Variants in NRXN1 observed in about 807,000 individuals in gnomAD.
NRXN1 encodes the protein neurexin 1.
A neutral mutation model predicts 150.9 loss-of-function variants in NRXN1; 39 were observed. That is an observed-to-expected ratio of 0.26 (90% CI 0.20 to 0.34). The LOEUF (loss-of-function observed/expected upper bound fraction) is 0.34. NRXN1 is among the 10% of genes least tolerant of loss of function. The probability of loss-of-function intolerance (pLI) is 1.00; values close to 1 mark genes in which losing one functional copy is unlikely to be tolerated. For missense variants in NRXN1, 1,815 were observed against 1,949.9 expected (o/e 0.93, Z 1.30); for synonymous variants, 924 against 757.0 (o/e 1.22, Z -3.62).
chr2:50,786,775 A>G (rs988840966), intron 5 of NRXN1, among the ~76,000 whole-genome samples: 1 of 152,138 alleles, frequency 6.6e-6, no homozygotes, highest in Non-Finnish European at 1.5e-5. Flanking sequence ...TATTTTAATT[A>G]TACTGATTAA....
At chr2:50,867,805 T>A (rs763831434) in intron 5 of NRXN1, among the ~76,000 whole-genome samples, 1 of 151,704 alleles carries the variant, frequency 6.6e-6, no homozygotes, top group Non-Finnish European at 1.5e-5. Context: ...AAAGAATGGG[T>A]AAAGTTAAAA....
intron 21 of NRXN1, among the ~76,000 whole-genome samples, chr2:49,981,333 T>G (rs1043015391): frequency 6.6e-6 from 1 of 151,512 alleles, no homozygotes; most frequent in African/African-American, 2.4e-5. Flanking sequence ...CAAAAAACCA[T>G]AGTCCATGGA....
intron 8 of NRXN1, among the ~76,000 whole-genome samples, chr2:50,612,218 T>C (rs566725412): frequency 2.7e-5 from 4 of 149,238 alleles, no homozygotes; most frequent in East Asian, 2.0e-4. Context: ...CAAATAGGGA[T>C]AGTATTTATG....
chr2:50,626,211 A>G (rs59739279), intron 5 of NRXN1, among the ~76,000 whole-genome samples: 2,424 of 152,070 alleles, frequency 0.016, 82 homozygotes, highest in African/African-American at 0.056. Flanking sequence ...CAATGTTTCA[A>G]CATATGTAAA....
intron 5 of NRXN1, among the ~76,000 whole-genome samples, chr2:50,786,245 G>A (rs190357319): frequency 9.2e-5 from 14 of 152,166 alleles, no homozygotes; most frequent in East Asian, 1.9e-4. Flanking sequence ...ATCTATGTAC[G>A]ACAGGAAGTG....
At chr2:50,633,610 C>T (rs1280306667) in intron 5 of NRXN1, among the ~76,000 whole-genome samples, 1 of 151,222 alleles carries the variant, frequency 6.6e-6, no homozygotes, top group Non-Finnish European at 1.5e-5. Context: ...AAAATAAGAA[C>T]ACTTGAATTG....
intron 5 of NRXN1, among the ~76,000 whole-genome samples, chr2:50,754,301 T>C (rs919604514): frequency 3.3e-5 from 5 of 151,862 alleles, no homozygotes; most frequent in Non-Finnish European, 7.4e-5. Flanking sequence ...CACATCCTCT[T>C]ATTATTTATT....
At chr2:50,662,608 G>A (rs191219938) in intron 5 of NRXN1, among the ~76,000 whole-genome samples, 16 of 151,874 alleles carry the variant, frequency 1.1e-4, no homozygotes, top group East Asian at 9.8e-4. Context: ...TTGTTTTTGC[G>A]ATTTTTTTTG....
At chr2:50,905,062 TA>T (rs1010769881) in intron 5 of NRXN1, among the ~76,000 whole-genome samples, 12 of 152,256 alleles carry the variant, frequency 7.9e-5, no homozygotes, top group Non-Finnish European at 1.6e-4. Flanking sequence ...AATGAAATTG[TA>T]AATCTAGTTT....
chr2:50,558,549 C>T (rs558893412), intron 8 of NRXN1, among the ~76,000 whole-genome samples: 7 of 152,242 alleles, frequency 4.6e-5, no homozygotes, highest in African/African-American at 1.7e-4. Context: ...TGTGTATCTA[C>T]TGATTAAAAT....
rs542518157 is a variant in NRXN1, at chr2:50,617,467, G to A, written c.1320+2555C>T. 2.0e-5 allele frequency among the ~76,000 whole-genome samples: 3 copies of A among 151,670 alleles called. No homozygotes were observed. In the East Asian group the frequency reaches 5.8e-4, roughly 29 times the overall value. ...AAAAAAAGCCCTCCAAGTGAGGTAT[G>A]TTTTGATTTATAGATTAATTGTGCT... On this transcript the variant is annotated intron_variant, in intron 8 of 22. Transcript: ENST00000401669.
At chr2:50,172,929 T>G (rs1285855159) in intron 18 of NRXN1, among the ~76,000 whole-genome samples, 2 of 152,130 alleles carry the variant, frequency 1.3e-5, no homozygotes, top group Non-Finnish European at 1.5e-5. Context: ...ATTGTGCCAC[T>G]GCACTCCAGC....
chr2:50,762,313 G>A (rs188215204), intron 5 of NRXN1, among the ~76,000 whole-genome samples: 1 of 151,826 alleles, frequency 6.6e-6, no homozygotes, highest in East Asian at 2.0e-4. Flanking sequence ...AGCTCTAAGA[G>A]GTCATGTACT....
chr2:50,473,452 CTAAG>C (rs2089707083), intron 15 of NRXN1, among the ~76,000 whole-genome samples: 1 of 151,770 alleles, frequency 6.6e-6, no homozygotes, highest in Non-Finnish European at 1.5e-5. Context: ...ATAAACATAA[CTAAG>C]TGACTTTAGT....
chr2:50,921,898 T>C lies in NRXN1; in HGVS notation c.821-18A>G, dbSNP rs200081619. The C allele has an allele frequency of 1.4e-6, 2 of 1,395,630 alleles. No homozygotes were observed. The highest frequency in any genetic ancestry group is 9.6e-7 in the Non-Finnish European group (1 of 1,044,780). The allele number at this position is 1,395,630 out of a possible 1,614,324, so 86.5% of individuals were successfully genotyped here. A position where few individuals can be genotyped will look rare whatever the true frequency, so the allele number is the denominator to read the frequency against. On this transcript the variant is annotated intron_variant, in intron 4 of 22. Coordinates refer to ENST00000401669, the MANE Select transcript of NRXN1 (RefSeq NM_001330078.2). ...ACTTTTACCTATGGATTTGATGAAA[T>C]GGGTCCATGAAGAAAGGGTTTCCAG...
intron 21 of NRXN1, among the ~76,000 whole-genome samples, chr2:49,953,658 T>A (rs1453312000): frequency 6.6e-6 from 1 of 152,052 alleles, no homozygotes; most frequent in South Asian, 2.1e-4. Flanking sequence ...TATGAATATA[T>A]ACATATTATA....
At chr2:50,077,963 C>G (rs1283043977) in intron 19 of NRXN1, among the ~76,000 whole-genome samples, 1 of 152,014 alleles carries the variant, frequency 6.6e-6, no homozygotes, top group Admixed American at 6.5e-5. Flanking sequence ...AAAAACAAAA[C>G]AGACTTTAAA....
intron 17 of NRXN1, among the ~76,000 whole-genome samples, chr2:50,286,221 T>C (rs968265999): frequency 2.0e-5 from 3 of 152,268 alleles, no homozygotes. Flanking sequence ...AATAGATCTC[T>C]TGAACTTACT....
chr2:50,319,013 TTTAAA>T (rs1202258096), intron 17 of NRXN1, among the ~76,000 whole-genome samples: 10 of 152,064 alleles, frequency 6.6e-5, no homozygotes, highest in African/African-American at 2.4e-4. Flanking sequence ...ACATAATAAG[TTTAAA>T]TTAAGAAGAA....
Sources: allele counts gnomAD v4.1 joint callset (sites outside exome capture counted in the v4.1 genomes callset), GRCh38; gene constraint gnomAD v4.1.1; transcripts MANE v1.5; gene names NCBI Gene and HGNC (gene_info 2026-07-23, HGNC 2026-07-21).